Variants in DHRS2 observed in about 807,000 individuals in gnomAD.
DHRS2 encodes the protein dehydrogenase/reductase 2.
In DHRS2, 29 loss-of-function variants were observed where a neutral mutation model predicts 26.3. The ratio of observed to expected loss-of-function variants is 1.10; its 90% CI spans 0.82 to 1.50. DHRS2 has a LOEUF of 1.50. Ranked by LOEUF, DHRS2 falls within the 40% of genes most tolerant of loss-of-function variation. The probability of loss-of-function intolerance (pLI) is 0.00; values close to 1 mark genes in which losing one functional copy is unlikely to be tolerated. For missense variants in DHRS2, 439 were observed against 367.1 expected (o/e 1.20, Z -1.60); for synonymous variants, 164 against 151.3 (o/e 1.08, Z -0.62).
Position 23,644,714 on chromosome 14 carries a change from CCTT to C in DHRS2, c.676-109_676-107del, listed in dbSNP as rs1594250150. 4.7e-6 allele frequency: 7 copies of C among 1,488,140 alleles called. No individual in the cohort carries two copies. The East Asian group carries it at 1.6e-4, about 34-fold the overall frequency. 92.2% of individuals were successfully genotyped at this position (1,488,140 alleles called of 1,614,324 possible). A position where few individuals can be genotyped will look rare whatever the true frequency, so the allele number is the denominator to read the frequency against. On this transcript the variant is annotated intron_variant, in intron 7 of 8. Coordinates refer to ENST00000250383, the MANE Select transcript of DHRS2 (RefSeq NM_005794.4). Reference sequence around the variant, plus strand: ...AGTCCATCCATCCTGAAAAGATGCTCCTTCTTTTGAGAAGGGCAAAGCTGCCCT... The same window carrying C: ...AGTCCATCCATCCTGAAAAGATGCTCCTTTTGAGAAGGGCAAAGCTGCCCT...
At position 23,638,870 on chromosome 14, in the gene DHRS2, G is replaced by A. The variant is rs1890481822; in HGVS notation, c.6G>A (p.Leu2=). Residue 2 remains leucine, a synonymous_variant, in exon 2 of 9, where the codon CTG becomes CTA. Transcript: ENST00000250383. M[L]SAVARGYQGW... ...CATCTCAGACACCAACCACTATGCT[G>A]TCAGCAGTTGCCCGGGGCTACCAGG... 6.2e-7 allele frequency: 1 copy of A among 1,613,830 alleles called. No individual in the cohort carries two copies. The highest frequency in any genetic ancestry group is 1.7e-5 in the Admixed American group (1 of 59,984).
intron 4 of DHRS2, chr14:23,642,126 T>A: frequency 9.7e-7 from 1 of 1,036,216 alleles, no homozygotes; most frequent in Non-Finnish European, 1.2e-6. Flanking sequence ...AGCATAGACA[T>A]CTAGCTCCCA....
chr14:23,636,877 C>T (rs1352008721), intron 1 of DHRS2, 105 bp downstream of exon 1: 1 of 152,216 alleles, frequency 6.6e-6, no homozygotes, highest in African/African-American at 2.4e-5. Context: ...GTGACTAGCG[C>T]AGCCGCTGGA....
At position 23,639,010 on chromosome 14, in the gene DHRS2, T is replaced by G; in HGVS notation, c.140+6T>G. ...GTCACGGGGTCCACCAGTGGGTGAGTGCTGGATTGCCCATGGGTCCTGGCC... is the reference window on the plus strand; with the variant it reads ...GTCACGGGGTCCACCAGTGGGTGAGGGCTGGATTGCCCATGGGTCCTGGCC... On this transcript the variant is annotated splice_donor_region_variant and intron_variant, in intron 2 of 8. Coordinates refer to ENST00000250383, the MANE Select transcript of DHRS2 (RefSeq NM_005794.4). 2 of 1,612,314 alleles carry G rather than the reference T, an allele frequency of 1.2e-6. No individual in the cohort carries two copies. The highest frequency in any genetic ancestry group is 1.7e-6 in the Non-Finnish European group (2 of 1,179,710).
chr14:23,643,239 G>C lies in DHRS2; in HGVS notation c.488+20G>C. On this transcript the variant is annotated intron_variant, in intron 5 of 8. Coordinates refer to ENST00000250383, the MANE Select transcript of DHRS2 (RefSeq NM_005794.4). ...GAACAGGTATGGCAGGGCGGGGGTG[G>C]GGACCAGTCGGAGTTGGGGACCTGA... is the stretch of plus-strand genomic sequence containing the variant. 6.2e-7 allele frequency: 1 copy of C among 1,613,024 alleles called. No homozygotes were observed. Among genetic ancestry groups the C allele is most frequent in the Non-Finnish European group, 8.5e-7 (1 of 1,179,584 alleles).
rs138534402 is a variant in DHRS2, at chr14:23,642,733, A to G, written c.421-419A>G. 496 of 172,730 alleles carry G rather than the reference A, an allele frequency of 2.9e-3. 4 individuals carry two copies. Among genetic ancestry groups the G allele is most frequent in the African/African-American group, 0.011 (479 of 42,032 alleles). The allele number at this position is 172,730 out of a possible 1,614,324, so 10.7% of individuals were successfully genotyped here. ...AGGTGTGCACCACCACACCAGGCCA[A>G]TTATTTAAAAATCTTGTAGAGACAA... On this transcript the variant is annotated intron_variant, in intron 4 of 8. Coordinates refer to ENST00000250383, the MANE Select transcript of DHRS2 (RefSeq NM_005794.4).
Position 23,639,254 on chromosome 14 carries a change from C to G in DHRS2, c.216C>G (p.Asn72Lys), listed in dbSNP as rs763650696. The part of the protein sequence containing the change: ...HVVISSRKQQ[N>K]VDRAMAKLQG... ...TCATCAGCAGCCGGAAGCAGCAGAA[C>G]GTGGACCGGGCCATGGCCAAGCTGC... The change falls in exon 3 of 9, where the codon AAC becomes AAG. Residue 72 changes from asparagine to lysine, a missense_variant. Coordinates refer to ENST00000250383, the MANE Select transcript of DHRS2 (RefSeq NM_005794.4). The G allele has an allele frequency of 2.5e-6, 4 of 1,613,546 alleles. No homozygotes were observed. In the East Asian group the frequency reaches 8.9e-5, roughly 36 times the overall value.
rs772154377 is a variant in DHRS2, at chr14:23,643,216, A to C, written c.485A>C (p.Asn162Thr). Residue 162 changes from asparagine to threonine, a missense_variant, in exon 5 of 9, where the codon AAC becomes ACC. Transcript: ENST00000250383. The stretch of plus-strand genomic sequence containing the variant: ...AGCCAGTTGCTGCCCTACATGGAGA[A>C]CAGGTATGGCAGGGCGGGGGTGGGG... ...LLSQLLPYMENRRGAVILVSS... is the reference protein window; with the variant it reads ...LLSQLLPYMETRRGAVILVSS... 1 of 1,613,904 alleles carries C rather than the reference A, an allele frequency of 6.2e-7. No homozygotes were observed. Among genetic ancestry groups the C allele is most frequent in the Non-Finnish European group, 8.5e-7 (1 of 1,179,948 alleles).
upstream of DHRS2, among the ~76,000 whole-genome samples, chr14:23,632,617 A>G (rs1356732186): frequency 2.0e-5 from 3 of 152,208 alleles, no homozygotes; most frequent in Non-Finnish European, 4.4e-5. Context: ...CCATTCACTT[A>G]TAATTTATAG....
At chr14:23,637,562 C>T (rs908240352) in intron 1 of DHRS2, among the ~76,000 whole-genome samples, 1 of 152,128 alleles carries the variant, frequency 6.6e-6, no homozygotes, top group East Asian at 1.9e-4. Flanking sequence ...TGGGGCATAA[C>T]ATCTTTATAG....
intron 4 of DHRS2, chr14:23,641,360 T>C (rs778784643): frequency 2.4e-5 from 6 of 250,736 alleles, no homozygotes; most frequent in Non-Finnish European, 4.7e-5. Flanking sequence ...ATCACCTCCA[T>C]CCTTCTCCAG....
At chr14:23,631,760 A>G (rs1453609588), upstream of DHRS2, among the ~76,000 whole-genome samples, 1 of 152,172 alleles carries the variant, frequency 6.6e-6, no homozygotes, top group Admixed American at 6.5e-5. Flanking sequence ...CCTGTGGTCA[A>G]TTCTGCTGCA....
chr14:23,641,474 T>C, intron 4 of DHRS2: 1 of 560,082 alleles, frequency 1.8e-6, no homozygotes, highest in Non-Finnish European at 2.7e-6. Context: ...GGCAGTTTTC[T>C]TCATCAAGGG....
chr14:23,645,603 AT>A lies in DHRS2; in HGVS notation c.*358del, dbSNP rs1013979581. 1.4e-4 allele frequency: 45 copies of A among 317,322 alleles called. No homozygotes were observed. The highest frequency in any genetic ancestry group is 4.3e-4 in the South Asian group (7 of 16,406). 19.7% of individuals were successfully genotyped at this position (317,322 alleles called of 1,614,324 possible). On this transcript the variant is annotated 3_prime_UTR_variant, in exon 9 of 9. Coordinates refer to ENST00000250383, the MANE Select transcript of DHRS2 (RefSeq NM_005794.4). ...CCTCTCTGTAATTTGTGCTTTAAGCATTTTTTTTCCTAAAATAAACTCAAAT... is the reference window on the plus strand; with the variant it reads ...CCTCTCTGTAATTTGTGCTTTAAGCATTTTTTTCCTAAAATAAACTCAAAT...
chr14:23,639,725 C>T, intron 3 of DHRS2, 69 bp from the exon 4 acceptor site: 4 of 1,478,494 alleles, frequency 2.7e-6, no homozygotes, highest in South Asian at 2.8e-5. Flanking sequence ...GGCCTTATGA[C>T]CTGGGCTGCC....
At position 23,640,323 on chromosome 14, in the gene DHRS2, G is replaced by A. The variant is rs1007000310; in HGVS notation, c.420+428G>A. 29 of 985,398 alleles carry A rather than the reference G, an allele frequency of 2.9e-5. 1 individual carries two copies. The highest frequency in any genetic ancestry group is 6.2e-5 in the Admixed American group (1 of 16,250). The allele number at this position is 985,398 out of a possible 1,614,324, so 61.0% of individuals were successfully genotyped here. Reference sequence around the variant, plus strand: ...TTCTTTGGTGACCTGTGCCTGTAGCGGAGACTGTCTCTCCTAGAAGGGGGC... The same window carrying A: ...TTCTTTGGTGACCTGTGCCTGTAGCAGAGACTGTCTCTCCTAGAAGGGGGC... On this transcript the variant is annotated intron_variant, in intron 4 of 8. Coordinates refer to ENST00000250383, the MANE Select transcript of DHRS2 (RefSeq NM_005794.4).
upstream of DHRS2, among the ~76,000 whole-genome samples, chr14:23,634,165 TC>T (rs1890202107): frequency 1.4e-5 from 2 of 145,508 alleles, no homozygotes; most frequent in Non-Finnish European, 3.0e-5. Context: ...ACTCCTGGGT[TC>T]AAGCGACTCT....
At position 23,645,275 on chromosome 14, in the gene DHRS2, A is replaced by G. The variant is rs377545770; in HGVS notation, c.*22A>G. 1.0e-4 allele frequency: 166 copies of G among 1,613,774 alleles called. No individual in the cohort carries two copies. The highest frequency in any genetic ancestry group is 1.4e-4 in the Non-Finnish European group (161 of 1,180,036). On this transcript the variant is annotated 3_prime_UTR_variant, in exon 9 of 9. Coordinates refer to ENST00000250383, the MANE Select transcript of DHRS2 (RefSeq NM_005794.4). ...CTGAGAGGAGTGGGGGCGGCTGCGT[A>G]GCTGTGGTCCCAGGCCCAGGAGCCT... is the stretch of plus-strand genomic sequence containing the variant.
At chr14:23,639,141 G>A in intron 2 of DHRS2, 38 bp from the exon 3 acceptor site, 1 of 1,607,160 alleles carries the variant, frequency 6.2e-7, no homozygotes, top group Non-Finnish European at 8.5e-7. Context: ...AGTGGAGAGA[G>A]GCTGAGGCTG....
Sources: gnomAD v4.1 joint callset for allele counts (sites outside exome capture counted in the v4.1 genomes callset) on GRCh38, gnomAD v4.1.1 for gene constraint, MANE v1.5 for transcripts, NCBI Gene and HGNC (gene_info 2026-07-23, HGNC 2026-07-21) for gene names.